Variants in ZNF236 observed in about 807,000 individuals in gnomAD.
The protein encoded by ZNF236 is regulated by glucose.
A neutral mutation model predicts 191.2 loss-of-function variants in ZNF236; 50 were observed. That is an observed-to-expected ratio of 0.26 (90% CI 0.21 to 0.33). ZNF236 has a LOEUF of 0.33. Ranked by LOEUF, ZNF236 falls within the 10% of genes least tolerant of loss-of-function variation. The probability of loss-of-function intolerance (pLI) is 1.00; values close to 1 mark genes in which losing one functional copy is unlikely to be tolerated. For missense variants in ZNF236, 1,754 were observed against 2,374.5 expected (o/e 0.74, Z 5.43); for synonymous variants, 907 against 928.8 (o/e 0.98, Z 0.43).
Position 76,925,834 on chromosome 18 carries a change from G to C in ZNF236, c.4027+280G>C, listed in dbSNP as rs1264117471. On this transcript the variant is annotated intron_variant, in intron 22 of 30. Coordinates refer to ENST00000320610, the MANE Select transcript of ZNF236 (RefSeq NM_001306089.2). This position sits in a 1 kb window ranked among gnomAD's most constrained non-coding sequence, Gnocchi z 5.7. Reference sequence around the variant, plus strand: ...GGTGTAAACCTGTTTTTACTCAGTTGGCATTCTCATAAATTTAGTAGTGAG... The same window carrying C: ...GGTGTAAACCTGTTTTTACTCAGTTCGCATTCTCATAAATTTAGTAGTGAG... 6.6e-6 allele frequency among the ~76,000 whole-genome samples: 1 copy of C among 152,138 alleles called. No individual in the cohort carries two copies. Among genetic ancestry groups the C allele is most frequent in the Non-Finnish European group, 1.5e-5 (1 of 68,014 alleles).
intron 1 of ZNF236, among the ~76,000 whole-genome samples, chr18:76,842,594 A>G (rs921127639): frequency 2.0e-5 from 3 of 152,090 alleles, no homozygotes; most frequent in African/African-American, 7.3e-5. Flanking sequence ...TCTACTAAAA[A>G]TACAAAATTA....
chr18:76,869,350 C>T (rs550543108), intron 4 of ZNF236, among the ~76,000 whole-genome samples: 2 of 152,254 alleles, frequency 1.3e-5, no homozygotes, highest in African/African-American at 4.8e-5. Flanking sequence ...ATTAGAGGAA[C>T]CAAGTAGTTC....
rs751831723 is a variant in ZNF236 at position 76,849,547 on chromosome 18, C to A, written c.77C>A (p.Ala26Glu). 8.1e-6 allele frequency: 13 copies of A among 1,609,482 alleles called. No individual in the cohort carries two copies. In the African/African-American group the frequency reaches 1.7e-4, roughly 22 times the overall value. The change falls in exon 2 of 31, where the codon GCG becomes GAG. Residue 26 changes from alanine to glutamate, a missense_variant. Physicochemically the swap from Ala to Glu is moderately radical, Grantham distance 107. Around this residue, in one of 5 missense-constraint regions of ZNF236, gnomAD observed 336 missense variants for 495.1 expected, o/e 0.68. Transcript: ENST00000320610. ...GDSDGVLTLN[A>E]ENTNYAYQVP... ...ATAGATGGAGTTTTAACATTGAATG[C>A]GGAGAACACTAATTATGCCTATCAA...
At chr18:76,886,702 G>T (rs569150264) in intron 9 of ZNF236, 30 of 154,886 alleles carry the variant, frequency 1.9e-4, no homozygotes, top group Non-Finnish European at 3.5e-4. Context: ...GACAAACATG[G>T]CTTCATCGTT....
chr18:76,908,408 A>G lies in ZNF236; in HGVS notation c.2386A>G (p.Thr796Ala). The G allele has an allele frequency of 1.9e-6, 3 of 1,614,164 alleles. No homozygotes were observed. Among genetic ancestry groups the G allele is most frequent in the Non-Finnish European group, 2.5e-6 (3 of 1,180,028 alleles). The change falls in exon 14 of 31, where the codon ACT (threonine) becomes GCT (alanine). Residue 796 changes from threonine (T) to alanine (A), a missense_variant. Physicochemically the swap from Thr to Ala is moderately conservative, Grantham distance 58. This residue lies in a region of ZNF236 where 641 missense variants were observed against 869.6 expected (regional missense o/e 0.74). Transcript: ENST00000320610. ...TVDQQSMQAS[T>A]QMQVEIESDE... ...AGACCAGCAGAGCATGCAGGCCTCC[A>G]CTCAAATGCAGGTGGAGATCGAGAG...
chr18:76,854,511 C>A (rs773211231), intron 3 of ZNF236, among the ~76,000 whole-genome samples: 1 of 150,178 alleles, frequency 6.7e-6, no homozygotes, highest in Non-Finnish European at 1.5e-5. Context: ...GCTTGTAATC[C>A]GAGCACTTTG....
rs540312005 is a variant in ZNF236 at position 76,897,650 on chromosome 18, C to T, written c.1691-1369C>T. Among the ~76,000 whole-genome samples, 8 of 151,824 alleles carry T rather than the reference C, an allele frequency of 5.3e-5. No individual in the cohort carries two copies. The South Asian group carries it at 1.5e-3, about 28-fold the overall frequency. On this transcript the variant is annotated intron_variant, in intron 10 of 30. Coordinates refer to ENST00000320610, the MANE Select transcript of ZNF236 (RefSeq NM_001306089.2). ...TACCAAACACAGTACTGTACATAGG[C>T]ACTGCCCATAGTACCAAACACAGTA...
chr18:76,841,444 T>TA (rs148329673), intron 1 of ZNF236, among the ~76,000 whole-genome samples: 4,120 of 152,348 alleles, frequency 0.027, 177 homozygotes, highest in African/African-American at 0.093. Flanking sequence ...GACCACTTAA[T>TA]GAGTTTCTGA....
intron 1 of ZNF236, among the ~76,000 whole-genome samples, chr18:76,823,795 G>A (rs1278112408): frequency 1.3e-5 from 2 of 152,168 alleles, no homozygotes; most frequent in Non-Finnish European, 2.9e-5. Context: ...CGCACTCGCC[G>A]GTGCCGCGGT....
Position 76,908,323 on chromosome 18 carries a change from T to C in ZNF236, c.2301T>C (p.Tyr767=), listed in dbSNP as rs1469323634. 3 of 1,612,420 alleles carry C rather than the reference T, an allele frequency of 1.9e-6. No individual in the cohort carries two copies. The highest frequency in any genetic ancestry group is 2.2e-5 in the East Asian group (1 of 44,826). Residue 767 remains tyrosine (Y), a synonymous_variant, in exon 14 of 31, where the codon TAT becomes TAC. Coordinates refer to ENST00000320610, the MANE Select transcript of ZNF236 (RefSeq NM_001306089.2). ...NCKKHMKTHR[Y]ELAQQLQQHQ... ...ACTGTTGTTAATTTTTCTGAAGATA[T>C]GAGCTTGCCCAGCAGCTCCAACAGC...
At chr18:76,948,407 A>C (rs1968321874) in intron 27 of ZNF236, among the ~76,000 whole-genome samples, 1 of 152,184 alleles carries the variant, frequency 6.6e-6, no homozygotes, top group Non-Finnish European at 1.5e-5. Flanking sequence ...TGTCTCACTG[A>C]ATTTCAGTTT....
intron 25 of ZNF236, among the ~76,000 whole-genome samples, chr18:76,930,851 T>C (rs1380433280): frequency 1.3e-5 from 2 of 152,208 alleles, no homozygotes; most frequent in Non-Finnish European, 2.9e-5. Context: ...AAAGTAAAAC[T>C]CATAAGAAGT....
At chr18:76,889,396 GACC>G (rs1313945032) in intron 9 of ZNF236, among the ~76,000 whole-genome samples, 1 of 152,136 alleles carries the variant, frequency 6.6e-6, no homozygotes, top group Non-Finnish European at 1.5e-5. Flanking sequence ...TTCTCCCCTA[GACC>G]ACAGTCCTTT....
chr18:76,937,714 G>A (rs538174569), intron 26 of ZNF236, among the ~76,000 whole-genome samples: 6 of 152,178 alleles, frequency 3.9e-5, no homozygotes, highest in Non-Finnish European at 8.8e-5. Flanking sequence ...CTTTATTGAA[G>A]GGCATTATGT....
chr18:76,865,264 G>A (rs1976374744), intron 3 of ZNF236, among the ~76,000 whole-genome samples: 1 of 152,154 alleles, frequency 6.6e-6, no homozygotes, highest in African/African-American at 2.4e-5. Context: ...TTGAACCTGG[G>A]AGGCAGAGGT....
At chr18:76,830,570 C>T (rs1357530019) in intron 1 of ZNF236, among the ~76,000 whole-genome samples, 1 of 152,028 alleles carries the variant, frequency 6.6e-6, no homozygotes, top group Non-Finnish European at 1.5e-5. Flanking sequence ...CTTCCCTGGG[C>T]CACATTGGAA....
At position 76,911,272 on chromosome 18, in the gene ZNF236, A is replaced by G. The variant is rs1480308717; in HGVS notation, c.2805+461A>G. 2.7e-5 allele frequency among the ~76,000 whole-genome samples: 4 copies of G among 150,126 alleles called. No homozygotes were observed. In the East Asian group the frequency reaches 7.9e-4, roughly 30 times the overall value. On this transcript the variant is annotated intron_variant, in intron 16 of 30. Coordinates refer to ENST00000320610, the MANE Select transcript of ZNF236 (RefSeq NM_001306089.2). ...CATTTTAATTTTGGTTTTGGTTTTC[A>G]TTTTCCTGCTTTTGGAAATTTCTTA...
At chr18:76,922,723 A>G (rs1446692517) in intron 20 of ZNF236, among the ~76,000 whole-genome samples, 1 of 151,692 alleles carries the variant, frequency 6.6e-6, no homozygotes, top group Non-Finnish European at 1.5e-5. Context: ...CTCCCTGTTA[A>G]TTTTTGTATT....
At chr18:76,916,772 C>T (rs968219265) in intron 19 of ZNF236, among the ~76,000 whole-genome samples, 1 of 152,174 alleles carries the variant, frequency 6.6e-6, no homozygotes, top group Non-Finnish European at 1.5e-5. Context: ...TGTGCCGCGG[C>T]CATCCTGTCC....
Sources: allele counts gnomAD v4.1 joint callset (sites outside exome capture counted in the v4.1 genomes callset), GRCh38; gene constraint gnomAD v4.1.1; regional missense constraint gnomAD v4.1.1; non-coding constraint Gnocchi (gnomAD v3.1); transcripts MANE v1.5; gene names NCBI Gene and HGNC (gene_info 2026-07-23, HGNC 2026-07-21).